The following BIRC6 variants were observed in gnomAD, a reference collection of about 807,000 sequenced individuals.
BIRC6 encodes the protein dual E2 ubiquitin-conjugating enzyme/E3 ubiquitin-protein ligase BIRC6.
BIRC6 carries 98 observed loss-of-function variants against 503.3 expected under a neutral mutation model. The ratio of observed to expected loss-of-function variants is 0.19; its 90% CI spans 0.17 to 0.23. The LOEUF (loss-of-function observed/expected upper bound fraction) is 0.23, where lower values mean the gene tolerates loss of function less well. Among genes scored for constraint, BIRC6 ranks in the 10% least tolerant of loss-of-function variants. The probability of loss-of-function intolerance (pLI) is 1.00; values close to 1 mark genes in which losing one functional copy is unlikely to be tolerated. For synonymous variants in BIRC6, 2,240 were observed against 2,078.7 expected (o/e 1.08, Z -2.11); for missense variants, 5,360 against 5,806.0 (o/e 0.92, Z 2.50).
intron 50 of BIRC6, among the ~76,000 whole-genome samples, chr2:32,506,812 TG>T (rs2053847112): frequency 6.6e-6 from 1 of 152,218 alleles, no homozygotes; most frequent in Non-Finnish European, 1.5e-5. Flanking sequence ...ACATTTCTTG[TG>T]GGAGCGTGGA....
intron 16 of BIRC6, among the ~76,000 whole-genome samples, chr2:32,440,757 A>T (rs1051816754): frequency 3.4e-5 from 5 of 146,762 alleles, no homozygotes; most frequent in Non-Finnish European, 3.0e-5. Flanking sequence ...TTTATTTATT[A>T]TTATTATTAT....
chr2:32,599,501 G>T (rs910443680), intron 69 of BIRC6, among the ~76,000 whole-genome samples: 3 of 151,782 alleles, frequency 2.0e-5, no homozygotes, highest in Non-Finnish European at 4.4e-5. Context: ...AACCGGGCAT[G>T]TTGGCAGGCA....
intron 66 of BIRC6, among the ~76,000 whole-genome samples, chr2:32,578,710 C>T (rs2060434155): frequency 6.6e-6 from 1 of 151,778 alleles, no homozygotes; most frequent in Non-Finnish European, 1.5e-5. Context: ...GCACGAGAAT[C>T]ACTTGAGCCT....
intron 3 of BIRC6, among the ~76,000 whole-genome samples, chr2:32,387,762 C>T (rs1251272265): frequency 6.6e-6 from 1 of 152,132 alleles, no homozygotes; most frequent in Non-Finnish European, 1.5e-5. Context: ...TGAGTGCCTA[C>T]TCTGTGCTTA....
intron 10 of BIRC6, among the ~76,000 whole-genome samples, chr2:32,428,767 A>G (rs965181354): frequency 1.3e-5 from 2 of 152,188 alleles, no homozygotes; most frequent in African/African-American, 4.8e-5. Context: ...TGTTGAGATT[A>G]AGAGATCTGG....
intron 11 of BIRC6, among the ~76,000 whole-genome samples, chr2:32,429,956 T>C (rs1353169967): frequency 6.6e-6 from 1 of 152,136 alleles, no homozygotes; most frequent in Admixed American, 6.5e-5. Context: ...AGATTTTTTA[T>C]AAAGTACAGA....
chr2:32,514,057 C>G (rs1388853344), intron 54 of BIRC6, among the ~76,000 whole-genome samples: 2 of 152,132 alleles, frequency 1.3e-5, no homozygotes. Context: ...GAGCGAGACT[C>G]TGTCTCAAAA....
rs1309099314 is a variant in BIRC6, at chr2:32,414,956, G to C, written c.1665G>C (p.Lys555Asn). The change falls in exon 10 of 74, where the codon AAG becomes AAC. Residue 555 changes from lysine (K) to asparagine (N), a missense_variant. Coordinates refer to ENST00000421745, the MANE Select transcript of BIRC6 (RefSeq NM_016252.4). ...TNSKSEKTKE[K>N]HQEQHNIPFP... ...CTAAGAGTGAAAAGACAAAGGAAAA[G>C]CACCAGGAGCAACACAACATTCCTT... is the stretch of plus-strand genomic sequence containing the variant. The C allele has an allele frequency of 6.2e-7, 1 of 1,613,932 alleles. No homozygotes were observed. The highest frequency in any genetic ancestry group is 1.7e-5 in the Admixed American group (1 of 60,026).
chr2:32,484,278 G>T (rs1284386563), intron 39 of BIRC6, among the ~76,000 whole-genome samples: 5 of 86 alleles, frequency 0.058, no homozygotes, highest in African/African-American at 0.18. Flanking sequence ...TACTGGCCAG[G>T]TGCGGTGGTC....
chr2:32,525,091 A>G, intron 58 of BIRC6, 72 bp downstream of exon 58: 3 of 1,254,260 alleles, frequency 2.4e-6, no homozygotes, highest in Non-Finnish European at 3.2e-6. Flanking sequence ...TAGTTACAGG[A>G]AATTTATGTA....
intron 12 of BIRC6, 62 bp from the exon 13 acceptor site, chr2:32,433,582 A>G: frequency 7.2e-7 from 1 of 1,382,474 alleles, no homozygotes; most frequent in Non-Finnish European, 9.7e-7. Context: ...CCTTAATGAT[A>G]ATATGGTTGT....
intron 23 of BIRC6, 118 bp downstream of exon 23, chr2:32,454,060 T>C: frequency 1.1e-6 from 1 of 895,058 alleles, no homozygotes; most frequent in Non-Finnish European, 1.6e-6. Flanking sequence ...AAGTGGAAAT[T>C]TATTTGTGGG....
chr2:32,452,199 C>T (rs1346058578), intron 22 of BIRC6, among the ~76,000 whole-genome samples: 1 of 152,154 alleles, frequency 6.6e-6, no homozygotes, highest in Non-Finnish European at 1.5e-5. Flanking sequence ...CATTTTATAA[C>T]ACGTCGAATA....
intron 72 of BIRC6, 54 bp downstream of exon 72, chr2:32,607,697 G>T: frequency 6.8e-7 from 1 of 1,465,032 alleles, no homozygotes; most frequent in Admixed American, 2.0e-5. Flanking sequence ...TACAATATAG[G>T]CTGGGCATGG....
intron 73 of BIRC6, 87 bp from the exon 74 acceptor site, chr2:32,617,638 G>A (rs2063331102): frequency 3.7e-6 from 5 of 1,355,258 alleles, no homozygotes; most frequent in Non-Finnish European, 5.0e-6. Context: ...TTAATGCTTT[G>A]GGCTTTGTTG....
intron 9 of BIRC6, among the ~76,000 whole-genome samples, chr2:32,413,248 T>G (rs2042080150): frequency 6.6e-6 from 1 of 151,378 alleles, no homozygotes; most frequent in Non-Finnish European, 1.5e-5. Context: ...TGGTGCGGTC[T>G]TGGCTCACCA....
chr2:32,613,575 T>A (rs2063030159), intron 73 of BIRC6, among the ~76,000 whole-genome samples: 1 of 152,022 alleles, frequency 6.6e-6, no homozygotes, highest in Non-Finnish European at 1.5e-5. Context: ...GAGACGGGGT[T>A]TCACCATGTT....
intron 65 of BIRC6, among the ~76,000 whole-genome samples, chr2:32,572,901 C>A (rs1352481760): frequency 6.6e-6 from 1 of 152,158 alleles, no homozygotes; most frequent in Non-Finnish European, 1.5e-5. Flanking sequence ...TTGTAGAGAT[C>A]TCTTTCACAT....
chr2:32,551,503 A>G (rs1159452402), intron 65 of BIRC6, among the ~76,000 whole-genome samples: 2 of 152,114 alleles, frequency 1.3e-5, no homozygotes, highest in East Asian at 3.9e-4. Context: ...GGCTGGTCTC[A>G]AATCCTGGCC....
Sources: allele counts gnomAD v4.1 joint callset (sites outside exome capture counted in the v4.1 genomes callset), GRCh38; gene constraint gnomAD v4.1.1; transcripts MANE v1.5; gene names NCBI Gene and HGNC (gene_info 2026-07-23, HGNC 2026-07-21).